The following CSF2RB variants were observed in gnomAD, a reference collection of about 807,000 sequenced individuals.
The protein encoded by CSF2RB is cytokine receptor common subunit beta.
A neutral mutation model predicts 67.2 loss-of-function variants in CSF2RB; 22 were observed. The observed-to-expected ratio is 0.33, with a 90% confidence interval of 0.23 to 0.47. CSF2RB has a LOEUF of 0.47. Ranked by LOEUF, CSF2RB falls within the 20% of genes least tolerant of loss-of-function variation. The pLI is 1.00. For missense variants in CSF2RB, 1,113 were observed against 1,174.5 expected, an observed-to-expected ratio of 0.95 and a Z score of 0.76; for synonymous variants, 507 against 482.9, an observed-to-expected ratio of 1.05 and a Z score of -0.65.
In CSF2RB at chr22:36,930,814, A is replaced by T; in HGVS notation, c.996A>T (p.Ile332=). 4 of 1,614,144 alleles carry T rather than the reference A, an allele frequency of 2.5e-6. No homozygotes were observed. Among genetic ancestry groups the T allele is most frequent in the Non-Finnish European group, 3.4e-6 (4 of 1,180,026 alleles). ...SVQPRRAEKH[I]KSSVNIQMAP... The stretch of plus-strand genomic sequence containing the variant: ...AGCCAAGGAGGGCAGAGAAACACAT[A>T]AAGAGCTCAGTGAACAGTGAGTTTG... The change falls in exon 8 of 14, where the codon ATA becomes ATT. Residue 332 remains isoleucine, a synonymous_variant. Coordinates refer to ENST00000403662, the MANE Select transcript of CSF2RB (RefSeq NM_000395.3).
chr22:36,921,092 T>C (rs1411272494), intron 1 of CSF2RB, among the ~76,000 whole-genome samples: 1 of 130,696 alleles, frequency 7.7e-6, no homozygotes, highest in Non-Finnish European at 1.7e-5. Context: ...TGTGCATGTA[T>C]GTGTATGTGT....
Position 36,939,540 on chromosome 22 carries a change from C to A in CSF2RB, c.*1038C>A. 1 of 323,236 alleles carries A rather than the reference C, an allele frequency of 3.1e-6. No individual in the cohort carries two copies. Among genetic ancestry groups the A allele is most frequent in the Admixed American group, 4.3e-5 (1 of 23,348 alleles). The allele number at this position is 323,236 out of a possible 1,614,324, so 20.0% of individuals were successfully genotyped here. ...CTTTTAAATCTTTGCCTTTCAGATA[C>A]AGGAAAAATAATGGCATTAAATTGC... On this transcript the variant is annotated 3_prime_UTR_variant, in exon 14 of 14. Coordinates refer to ENST00000403662, the MANE Select transcript of CSF2RB (RefSeq NM_000395.3).
At chr22:36,933,485 G>A (rs1427218171) in intron 9 of CSF2RB, among the ~76,000 whole-genome samples, 1 of 152,152 alleles carries the variant, frequency 6.6e-6, no homozygotes, top group Non-Finnish European at 1.5e-5. Context: ...GAGTCCAGTC[G>A]GCCTGCACTG....
chr22:36,928,202 G>A (rs927111312), intron 4 of CSF2RB, among the ~76,000 whole-genome samples: 2 of 152,186 alleles, frequency 1.3e-5, no homozygotes, highest in Non-Finnish European at 2.9e-5. Flanking sequence ...TGGAGACCTT[G>A]GACATTTTAC....
chr22:36,934,422 G>A (rs1188873970), intron 10 of CSF2RB, among the ~76,000 whole-genome samples: 1 of 152,214 alleles, frequency 6.6e-6, no homozygotes, highest in Non-Finnish European at 1.5e-5. Flanking sequence ...AGGACTTGAG[G>A]GAGCAGAGGA....
Position 36,938,386 on chromosome 22 carries a change from C to G in CSF2RB, c.2578C>G (p.Pro860Ala), listed in dbSNP as rs1383825092. The G allele has an allele frequency of 1.9e-6, 3 of 1,614,160 alleles. No individual in the cohort carries two copies. The Admixed American group carries it at 5.0e-5, about 27-fold the overall frequency. The change falls in exon 14 of 14, where the codon CCC (proline) becomes GCC (alanine). Residue 860 changes from proline to alanine, a missense_variant. This residue lies in a region of CSF2RB where 554 missense variants were observed against 517.9 expected (regional missense o/e 1.07). Coordinates refer to ENST00000403662, the MANE Select transcript of CSF2RB (RefSeq NM_000395.3). Reference sequence around the variant, plus strand: ...AGACCAGGCTTTTCAAGTCAAGAAGCCCCCAGGCCAGGCTGTGCCCCAGGT... The same window carrying G: ...AGACCAGGCTTTTCAAGTCAAGAAGGCCCCAGGCCAGGCTGTGCCCCAGGT... The part of the protein sequence containing the change: ...NLDQAFQVKK[P>A]PGQAVPQVPV...
chr22:36,931,984 C>T lies in CSF2RB; in HGVS notation c.1013-781C>T, dbSNP rs1473882506. Among the ~76,000 whole-genome samples the T allele has an allele frequency of 3.3e-5, 5 of 152,324 alleles. No individual in the cohort carries two copies. In the East Asian group the frequency reaches 9.6e-4, roughly 29 times the overall value. ...GGTGGGATTGCAATCTTTGCCTCTA[C>T]CACTGCTTAGCTGCCTTTCCTTAGG... On this transcript the variant is annotated intron_variant, in intron 8 of 13. Coordinates refer to ENST00000403662, the MANE Select transcript of CSF2RB (RefSeq NM_000395.3).
rs183398392 is a variant in CSF2RB at position 36,917,242 on chromosome 22, G to T, written c.-173+3565G>T. On this transcript the variant is annotated intron_variant, in intron 1 of 13. Transcript: ENST00000403662. ...TGAATCATAAATAGGTTTCTTAAGG[G>T]TTCTCCTTCCATGTATGGAGTACCC... Among the ~76,000 whole-genome samples the T allele has an allele frequency of 5.7e-3, 865 of 152,194 alleles. 11 individuals carry two copies. The highest frequency in any genetic ancestry group is 0.02 in the African/African-American group (810 of 41,500).
intron 1 of CSF2RB, among the ~76,000 whole-genome samples, chr22:36,917,874 G>T (rs568152742): frequency 1.3e-5 from 2 of 151,926 alleles, no homozygotes; most frequent in African/African-American, 4.8e-5. Flanking sequence ...AGTGAGCCGA[G>T]ATCATGCCAT....
intron 8 of CSF2RB, among the ~76,000 whole-genome samples, chr22:36,931,756 C>T (rs1004679485): frequency 1.3e-5 from 2 of 152,184 alleles, no homozygotes; most frequent in Admixed American, 1.3e-4. Context: ...GTCTGCCGGC[C>T]AGGTGGGAGG....
rs1443141828 is a variant in CSF2RB at position 36,937,243 on chromosome 22, C to G, written c.1569-134C>G. On this transcript the variant is annotated intron_variant, in intron 13 of 13. Coordinates refer to ENST00000403662, the MANE Select transcript of CSF2RB (RefSeq NM_000395.3). The surrounding 1 kb of genome is among the most constrained non-coding windows in gnomAD (Gnocchi z 4.6). ...CCTGCTCCCTCAACCCTGTCCCGTT[C>G]AGGTTCTCTCTGTGAGATCTGGGGG... 6.2e-6 allele frequency: 7 copies of G among 1,130,364 alleles called. No homozygotes were observed. The highest frequency in any genetic ancestry group is 9.0e-6 in the Non-Finnish European group (7 of 777,112). 70.0% of individuals were successfully genotyped at this position (1,130,364 alleles called of 1,614,324 possible).
In CSF2RB at chr22:36,937,469, C is replaced by T. The variant is rs146859739; in HGVS notation, c.1661C>T (p.Thr554Met). Residue 554 changes from threonine (T) to methionine (M), a missense_variant, in exon 14 of 14, where the codon ACG becomes ATG. Physicochemically the swap from Thr to Met is moderately conservative, Grantham distance 81. Around this residue, in one of 2 missense-constraint regions of CSF2RB, gnomAD observed 554 missense variants for 517.9 expected, o/e 1.07. Coordinates refer to ENST00000403662, the MANE Select transcript of CSF2RB (RefSeq NM_000395.3). The surrounding 1 kb of genome is among the most constrained non-coding windows in gnomAD (Gnocchi z 4.6). ...TGTGATCCACCATCTGGGCCTGACA[C>T]GACTCCAGCTGCCTCAGATCTACCC... Reference protein sequence around the residue: ...HVCDPPSGPDTTPAASDLPTE... With the variant: ...HVCDPPSGPDMTPAASDLPTE... The T allele has an allele frequency of 4.2e-5, 68 of 1,614,024 alleles. No homozygotes were observed. Among genetic ancestry groups the T allele is most frequent in the South Asian group, 6.6e-5 (6 of 91,086 alleles).
intron 1 of CSF2RB, among the ~76,000 whole-genome samples, chr22:36,917,325 A>G (rs538239686): frequency 1.3e-5 from 2 of 152,068 alleles, no homozygotes; most frequent in East Asian, 3.9e-4. Context: ...GACCTATGAA[A>G]TTGTTTTTGT....
chr22:36,936,014 C>T, intron 12 of CSF2RB, among the ~76,000 whole-genome samples: 1 of 152,114 alleles, frequency 6.6e-6, no homozygotes, highest in Non-Finnish European at 1.5e-5. Flanking sequence ...AAGGGCTCCC[C>T]AAGGACAAGA....
chr22:36,923,695 T>C, intron 3 of CSF2RB: 1 of 1,330,056 alleles, frequency 7.5e-7, no homozygotes, highest in South Asian at 1.2e-5. Context: ...TCCTCCTCAC[T>C]GTGAGGTGGG....
chr22:36,918,927 TC>T (rs2145771669), intron 1 of CSF2RB, among the ~76,000 whole-genome samples: 1 of 152,208 alleles, frequency 6.6e-6, no homozygotes, highest in East Asian at 1.9e-4. Flanking sequence ...AGCTATCACC[TC>T]CAAGTTGCAG....
intron 3 of CSF2RB, among the ~76,000 whole-genome samples, chr22:36,924,711 G>A (rs1244901394): frequency 1.3e-5 from 2 of 152,138 alleles, no homozygotes; most frequent in African/African-American, 2.4e-5. Context: ...TTGGGCCTCC[G>A]CCTTCTTCCT....
intron 3 of CSF2RB, among the ~76,000 whole-genome samples, chr22:36,924,789 A>C (rs985122068): frequency 6.6e-6 from 1 of 151,714 alleles, no homozygotes; most frequent in Non-Finnish European, 1.5e-5. Context: ...CTTGCACCTG[A>C]CTCTGCCCAC....
At chr22:36,916,952 A>G (rs1940732646) in intron 1 of CSF2RB, among the ~76,000 whole-genome samples, 1 of 152,186 alleles carries the variant, frequency 6.6e-6, no homozygotes, top group African/African-American at 2.4e-5. Context: ...GATCTGAGGG[A>G]CATTGACCAC....
Sources: gnomAD v4.1 joint callset for allele counts (sites outside exome capture counted in the v4.1 genomes callset) on GRCh38, gnomAD v4.1.1 for gene constraint, gnomAD v4.1.1 regional missense constraint, Gnocchi (gnomAD v3.1) non-coding constraint, MANE v1.5 for transcripts, NCBI Gene and HGNC (gene_info 2026-07-23, HGNC 2026-07-21) for gene names.